The following FSTL5 variants were observed in gnomAD, a reference collection of about 807,000 sequenced individuals.
FSTL5 encodes the protein follistatin-related protein 5.
Under a neutral mutation model 89.1 loss-of-function variants are expected in FSTL5, and 62 were observed. The observed-to-expected ratio is 0.70, with a 90% CI of 0.57 to 0.86. The LOEUF is 0.86. Ranked by LOEUF, FSTL5 falls within the 40% of genes least tolerant of loss-of-function variation. The pLI, the probability that FSTL5 is intolerant of heterozygous loss-of-function variation, is 0.00. For synonymous variants in FSTL5, 383 were observed against 346.2 expected, an observed-to-expected ratio of 1.11 and a Z score of -1.18; for missense variants, 1,057 against 1,001.6, an observed-to-expected ratio of 1.06 and a Z score of -0.75.
intron 3 of FSTL5, among the ~76,000 whole-genome samples, chr4:161,976,117 C>CAAAAAA (rs371745777): frequency 1.5e-5 from 1 of 65,370 alleles, no homozygotes; most frequent in Admixed American, 1.9e-4. Context: ...GACTCCGCCT[C>CAAAAAA]AAAAAAAAAA....
intron 1 of FSTL5, among the ~76,000 whole-genome samples, chr4:162,157,117 G>A (rs1401932345): frequency 1.3e-5 from 2 of 152,040 alleles, no homozygotes; most frequent in East Asian, 1.9e-4. Flanking sequence ...TCTCAGTTTG[G>A]ACAGTCTGGG....
intron 15 of FSTL5, among the ~76,000 whole-genome samples, chr4:161,405,729 C>G (rs1440711606): frequency 6.6e-6 from 1 of 152,054 alleles, no homozygotes; most frequent in Non-Finnish European, 1.5e-5. Flanking sequence ...GCAAAGAGAG[C>G]CACATGATAA....
intron 3 of FSTL5, among the ~76,000 whole-genome samples, chr4:161,943,420 G>C (rs2110929605): frequency 6.7e-6 from 1 of 149,880 alleles, no homozygotes; most frequent in South Asian, 2.1e-4. Flanking sequence ...CATTTATTCT[G>C]CTCATGTTAT....
intron 4 of FSTL5, among the ~76,000 whole-genome samples, chr4:161,867,560 A>G (rs907532062): frequency 3.3e-5 from 5 of 151,770 alleles, no homozygotes; most frequent in African/African-American, 7.2e-5. Context: ...GCAATGAAAA[A>G]TAAGTGTGTT....
chr4:161,823,402 A>T (rs1284545215), intron 4 of FSTL5, among the ~76,000 whole-genome samples: 2 of 152,114 alleles, frequency 1.3e-5, no homozygotes, highest in Non-Finnish European at 2.9e-5. Context: ...TTCAGAGGGG[A>T]CTGAGACAGC....
intron 4 of FSTL5, among the ~76,000 whole-genome samples, chr4:161,913,063 G>A (rs1437733517): frequency 6.6e-6 from 1 of 152,104 alleles, no homozygotes; most frequent in Non-Finnish European, 1.5e-5. Context: ...GAGCTGACTT[G>A]GGTGCCATAA....
intron 3 of FSTL5, among the ~76,000 whole-genome samples, chr4:161,938,884 AT>A (rs1734503126): frequency 6.6e-6 from 1 of 151,840 alleles, no homozygotes; most frequent in Non-Finnish European, 1.5e-5. Context: ...ATTTTTTTTA[AT>A]TGGTGACATA....
At chr4:161,392,701 GAA>G (rs1730861854) in intron 15 of FSTL5, among the ~76,000 whole-genome samples, 2 of 152,080 alleles carry the variant, frequency 1.3e-5, no homozygotes, top group South Asian at 4.1e-4. Flanking sequence ...CTGAAAATCT[GAA>G]AAGAGTAGCT....
At chr4:162,117,871 A>G (rs1343294833) in intron 1 of FSTL5, among the ~76,000 whole-genome samples, 1 of 152,030 alleles carries the variant, frequency 6.6e-6, no homozygotes. Flanking sequence ...AATTGATAAA[A>G]ATTAATTAAT....
chr4:161,923,535 T>A (rs1734047312), intron 3 of FSTL5, among the ~76,000 whole-genome samples: 1 of 152,002 alleles, frequency 6.6e-6, no homozygotes, highest in South Asian at 2.1e-4. Flanking sequence ...ATATTTTGTA[T>A]AATTTTATGT....
At chr4:162,109,472 T>C (rs1561023920) in intron 2 of FSTL5, among the ~76,000 whole-genome samples, 1 of 152,100 alleles carries the variant, frequency 6.6e-6, no homozygotes, top group Non-Finnish European at 1.5e-5. Flanking sequence ...TCATTTATTA[T>C]TTCTATTTAG....
intron 8 of FSTL5, among the ~76,000 whole-genome samples, chr4:161,575,801 G>T (rs890018380): frequency 2.0e-5 from 3 of 152,164 alleles, no homozygotes; most frequent in Non-Finnish European, 4.4e-5. Flanking sequence ...TCACATTTAA[G>T]TCTTTAATCC....
At chr4:161,874,533 C>T (rs949172216) in intron 4 of FSTL5, among the ~76,000 whole-genome samples, 4 of 150,446 alleles carry the variant, frequency 2.7e-5, no homozygotes, top group African/African-American at 9.7e-5. Flanking sequence ...ATCCCTCATG[C>T]TCTCCACAGC....
intron 3 of FSTL5, among the ~76,000 whole-genome samples, chr4:161,928,879 G>T (rs1157355305): frequency 6.6e-6 from 1 of 151,718 alleles, no homozygotes; most frequent in East Asian, 1.9e-4. Flanking sequence ...TTTTTGCAGA[G>T]AAATTTTTAA....
At position 162,050,602 on chromosome 4, in the gene FSTL5, T is replaced by G. The variant is rs562254021; in HGVS notation, c.127-16944A>C. Among the ~76,000 whole-genome samples the G allele has an allele frequency of 1.0e-4, 15 of 150,640 alleles. No individual in the cohort carries two copies. In the East Asian group the frequency reaches 2.9e-3, roughly 29 times the overall value. ...ATCACTCTTGGAAAAAAAGACTTTATTAAAAAAAAACTCCAGGAGAATTTG... is the reference window on the plus strand; with the variant it reads ...ATCACTCTTGGAAAAAAAGACTTTAGTAAAAAAAAACTCCAGGAGAATTTG... On this transcript the variant is annotated intron_variant, in intron 2 of 15. Transcript: ENST00000306100.
chr4:161,662,739 A>G (rs1477100960), intron 6 of FSTL5, among the ~76,000 whole-genome samples: 1 of 152,204 alleles, frequency 6.6e-6, no homozygotes, highest in East Asian at 1.9e-4. Flanking sequence ...ACACCAATCA[A>G]TAGATTGAAG....
At position 161,542,691 on chromosome 4, in the gene FSTL5, G is replaced by A. The variant is rs1176210885; in HGVS notation, c.1018C>T (p.Pro340Ser). 2.1e-6 allele frequency: 3 copies of A among 1,436,704 alleles called. No homozygotes were observed. The highest frequency in any genetic ancestry group is 1.8e-6 in the Non-Finnish European group (2 of 1,089,384). The allele number at this position is 1,436,704 out of a possible 1,614,324, so 89.0% of individuals were successfully genotyped here. Residue 340 changes from proline to serine, a missense_variant and splice_region_variant, in exon 9 of 16, where the codon CCT (proline) becomes TCT (serine). Transcript: ENST00000306100. The stretch of plus-strand genomic sequence containing the variant: ...TCTGGATACACCCGGATGACTGGAG[G>A]AACTAAAGGAAAAAATGAAAGAGAA... ...YQTHIFQVNVPPVIRVYPESQ... is the reference protein window; with the variant it reads ...YQTHIFQVNVSPVIRVYPESQ...
At chr4:161,467,899 A>G (rs1236037566) in intron 13 of FSTL5, among the ~76,000 whole-genome samples, 3 of 152,114 alleles carry the variant, frequency 2.0e-5, no homozygotes, top group Non-Finnish European at 4.4e-5. Context: ...TAGCATATAT[A>G]TAAAGCTTGA....
intron 4 of FSTL5, among the ~76,000 whole-genome samples, chr4:161,800,897 C>T (rs1729770821): frequency 6.6e-6 from 1 of 151,416 alleles, no homozygotes; most frequent in African/African-American, 2.4e-5. Flanking sequence ...TATTATGAAA[C>T]ATATTTTTGT....
Sources: allele counts gnomAD v4.1 joint callset (sites outside exome capture counted in the v4.1 genomes callset), GRCh38; gene constraint gnomAD v4.1.1; transcripts MANE v1.5; gene names NCBI Gene and HGNC (gene_info 2026-07-23, HGNC 2026-07-21).